Variants in GEMIN8 observed in about 807,000 individuals in gnomAD.
GEMIN8 encodes the protein gem-associated protein 8.
For missense variants in GEMIN8, 185 were observed against 205.9 expected, an observed-to-expected ratio of 0.90 and a Z score of 0.62; for synonymous variants, 80 against 78.5, an observed-to-expected ratio of 1.02 and a Z score of -0.10.
At chrX:14,000,322 C>T in the GEMIN8 span, among the ~76,000 whole-genome samples, 4 of 109,470 alleles carry the variant, frequency 3.7e-5, no homozygotes, top group African/African-American at 1.3e-4. Flanking sequence ...TTAGGCCGGG[C>T]GCAGTGGCTC....
chrX:14,016,844 CAAAAAAAAA>C lies in GEMIN8; in HGVS notation c.472+3225_472+3233del, dbSNP rs1174566527. Among the ~76,000 whole-genome samples the C allele has an allele frequency of 4.4e-4, 10 of 22,581 alleles. No individual in the cohort carries two copies. In the East Asian group the frequency reaches 0.013, roughly 28 times the overall value. The allele number at this position is 22,581 out of a possible 115,157, so 19.6% of individuals were successfully genotyped here. On this transcript the variant is annotated intron_variant, in intron 4 of 4. Coordinates refer to ENST00000680255, the MANE Select transcript of GEMIN8 (RefSeq NM_001042479.2). ...TGGGTGACAGAGTAAGAATCTGTCT[CAAAAAAAAA>C]AAAAAAAAAAAAAATATATATATAT...
chrX:13,987,538 A>G, the GEMIN8 span, among the ~76,000 whole-genome samples: 3,271 of 111,156 alleles, frequency 0.029, 59 homozygotes, highest in African/African-American at 0.067. Flanking sequence ...TCAAGGGCCT[A>G]TCTGGCCAGG....
chrX:13,993,646 A>G, the GEMIN8 span, among the ~76,000 whole-genome samples: 1 of 108,813 alleles, frequency 9.2e-6, no homozygotes, highest in African/African-American at 3.3e-5. Flanking sequence ...CTGGTCTGGA[A>G]CTCCTGGCCT....
downstream of GEMIN8, among the ~76,000 whole-genome samples, chrX:14,002,475 TTTTTA>T (rs1335793143): frequency 9.0e-6 from 1 of 111,159 alleles, no homozygotes; most frequent in Admixed American, 9.6e-5. Context: ...AACATCTATA[TTTTTA>T]TTTTATTTAG....
At position 14,009,097 on chromosome X, in the gene GEMIN8, G is replaced by A. The variant is rs763586590; in HGVS notation, c.545C>T (p.Thr182Ile). The A allele has an allele frequency of 3.3e-6, 4 of 1,211,219 alleles. No individual in the cohort carries two copies. Among genetic ancestry groups the A allele is most frequent in the Non-Finnish European group, 1.1e-6 (1 of 894,614 alleles). The change falls in exon 5 of 5, where the codon ACC (threonine) becomes ATC (isoleucine). Residue 182 changes from threonine (T) to isoleucine (I), a missense_variant. Physicochemically the swap from Thr to Ile is moderately conservative, Grantham distance 89. Transcript: ENST00000680255. ...VNADHDLYCN[T>I]RRSVEAPTER... ...AGTTGGGGCTTCTACCGACCGGCGG[G>A]TGTTGCAGTACAGGTCGTGGTCAGC...
chrX:13,986,535 T>C, the GEMIN8 span, among the ~76,000 whole-genome samples: 1 of 112,136 alleles, frequency 8.9e-6, no homozygotes, highest in South Asian at 3.8e-4. Flanking sequence ...TGGTGGAGAA[T>C]GAAGGTCAGC....
In GEMIN8 at chrX:14,029,871, G is replaced by A. The variant is rs1417337825; in HGVS notation, c.-210C>T. The A allele has an allele frequency of 8.8e-6, 1 of 113,499 alleles. No individual in the cohort carries two copies. The highest frequency in any genetic ancestry group is 9.1e-5 in the Admixed American group (1 of 10,929). The allele number at this position is 113,499 out of a possible 1,213,427, so 9.4% of individuals were successfully genotyped here. Reference sequence around the variant, plus strand: ...GAGGGGGAGTGGGGGACGCGAGGGAGGCGGCTGTTGCCGGGGCGACTGGAA... The same window carrying A: ...GAGGGGGAGTGGGGGACGCGAGGGAAGCGGCTGTTGCCGGGGCGACTGGAA... On this transcript the variant is annotated 5_prime_UTR_variant, in exon 1 of 5. Transcript: ENST00000680255.
chrX:14,003,300 G>A (rs958739292), downstream of GEMIN8, among the ~76,000 whole-genome samples: 1 of 112,307 alleles, frequency 8.9e-6, no homozygotes, highest in Non-Finnish European at 1.9e-5. Context: ...AGCAGCTAAC[G>A]GCAGGGAAGT....
At chrX:14,020,637 ATTTG>A in intron 3 of GEMIN8, 103 bp from the exon 4 acceptor site, 1 of 542,747 alleles carries the variant, frequency 1.8e-6, no homozygotes, top group Non-Finnish European at 3.0e-6. Context: ...TTTACTTAGT[ATTTG>A]CTAAATACCT....
At chrX:14,014,655 G>A (rs923515777) in intron 4 of GEMIN8, 66 of 311,458 alleles carry the variant, frequency 2.1e-4, no homozygotes, top group Middle Eastern at 2.0e-3. Flanking sequence ...AAACTTCACC[G>A]GGTTCTCTCT....
intron 4 of GEMIN8, among the ~76,000 whole-genome samples, chrX:14,010,051 C>A (rs887160391): frequency 7.1e-5 from 8 of 112,066 alleles, no homozygotes; most frequent in Non-Finnish European, 1.5e-4. Context: ...CCTCTGACTT[C>A]TAATCTTCCC....
the GEMIN8 span, among the ~76,000 whole-genome samples, chrX:13,992,888 TGA>T: frequency 9.0e-6 from 1 of 111,064 alleles, no homozygotes; most frequent in African/African-American, 3.3e-5. Flanking sequence ...CTAATCCAGG[TGA>T]GAGATGGTGA....
chrX:14,021,935 C>CACACATATATATGTATATGTATGTAT (rs1225916841), intron 2 of GEMIN8, among the ~76,000 whole-genome samples: 10 of 95,023 alleles, frequency 1.1e-4, no homozygotes, highest in East Asian at 6.7e-4. Context: ...ATAATGTATA[C>CACACATATATATGTATATGTATGTAT]ACACATATAT....
intron 4 of GEMIN8, among the ~76,000 whole-genome samples, chrX:14,017,706 C>T (rs1449447235): frequency 1.8e-5 from 2 of 112,163 alleles, no homozygotes; most frequent in Non-Finnish European, 3.8e-5. Context: ...TCAATCTTCA[C>T]ATGGTGTTTT....
At chrX:14,023,027 A>C (rs984601987) in intron 2 of GEMIN8, among the ~76,000 whole-genome samples, 1 of 112,484 alleles carries the variant, frequency 8.9e-6, no homozygotes, top group Non-Finnish European at 1.9e-5. Flanking sequence ...ACCTTCTGTA[A>C]ATTTATCTTA....
intron 2 of GEMIN8, among the ~76,000 whole-genome samples, chrX:14,025,324 G>A (rs1396125423): frequency 9.5e-6 from 1 of 105,170 alleles, no homozygotes; most frequent in East Asian, 2.9e-4. Context: ...TAGTCTTCAC[G>A]TTCTTTGCTT....
chrX:14,022,431 T>C (rs953235224), intron 2 of GEMIN8, among the ~76,000 whole-genome samples: 1 of 111,209 alleles, frequency 9.0e-6, no homozygotes, highest in African/African-American at 3.3e-5. Context: ...CTCCATGGAG[T>C]CTCTACTGAG....
intron 1 of GEMIN8, among the ~76,000 whole-genome samples, chrX:14,028,263 G>T (rs986606749): frequency 9.0e-6 from 1 of 111,249 alleles, no homozygotes; most frequent in African/African-American, 3.3e-5. Flanking sequence ...CATGCTCTTA[G>T]ATGCTGCTGA....
chrX:14,028,094 C>T (rs1412480363), intron 1 of GEMIN8, among the ~76,000 whole-genome samples: 4 of 112,248 alleles, frequency 3.6e-5, no homozygotes, highest in East Asian at 2.8e-4. Flanking sequence ...AACATATTCA[C>T]GGTAATTCCA....
Sources: allele counts gnomAD v4.1 joint callset (sites outside exome capture counted in the v4.1 genomes callset), GRCh38; gene constraint gnomAD v4.1.1; transcripts MANE v1.5; gene names NCBI Gene and HGNC (gene_info 2026-07-23, HGNC 2026-07-21).